The following NELL1 variants were observed in gnomAD, a reference collection of about 807,000 sequenced individuals.
NELL1 encodes protein kinase C-binding protein NELL1.
A neutral mutation model predicts 107.4 loss-of-function variants in NELL1; 76 were observed. The ratio of observed to expected loss-of-function variants is 0.71; its 90% CI spans 0.59 to 0.86. The LOEUF is 0.86. Ranked by LOEUF, NELL1 falls within the 40% of genes least tolerant of loss-of-function variation. The pLI, the probability that NELL1 is intolerant of heterozygous loss-of-function variation, is 0.00. For missense variants in NELL1, 1,024 were observed against 1,005.5 expected (o/e 1.02, Z -0.25); for synonymous variants, 353 against 341.2 (o/e 1.03, Z -0.38).
At chr11:20,675,092 G>T (rs1017204676) in intron 1 of NELL1, among the ~76,000 whole-genome samples, 1 of 152,070 alleles carries the variant, frequency 6.6e-6, no homozygotes, top group Non-Finnish European at 1.5e-5. Flanking sequence ...TGGACCAGTG[G>T]ACCAGCCGGG....
chr11:20,830,141 G>A (rs1184073683), intron 3 of NELL1, among the ~76,000 whole-genome samples: 3 of 151,566 alleles, frequency 2.0e-5, no homozygotes, highest in Non-Finnish European at 4.4e-5. Context: ...GTATGGTGGT[G>A]CGTGCCTGTA....
intron 15 of NELL1, among the ~76,000 whole-genome samples, chr11:21,437,257 C>G (rs1384531214): frequency 6.6e-6 from 1 of 152,068 alleles, no homozygotes; most frequent in Non-Finnish European, 1.5e-5. Context: ...CTCTTTAGTT[C>G]TAATGATATT....
At chr11:21,203,924 G>A (rs1328441704) in intron 13 of NELL1, among the ~76,000 whole-genome samples, 1 of 152,168 alleles carries the variant, frequency 6.6e-6, no homozygotes, top group Non-Finnish European at 1.5e-5. Context: ...CTCTAAGAAT[G>A]TTGAATATTG....
intron 14 of NELL1, among the ~76,000 whole-genome samples, chr11:21,304,654 C>A (rs1443508101): frequency 6.6e-6 from 1 of 151,890 alleles, no homozygotes; most frequent in Non-Finnish European, 1.5e-5. Context: ...ATTTTCCTGA[C>A]AGCTTACATT....
At chr11:21,553,062 C>T (rs1026137044) in intron 16 of NELL1, among the ~76,000 whole-genome samples, 1 of 151,808 alleles carries the variant, frequency 6.6e-6, no homozygotes, top group African/African-American at 2.4e-5. Context: ...GTTTTTAGAC[C>T]TTTGACTTCT....
chr11:20,963,311 T>C (rs1851325903), intron 12 of NELL1, among the ~76,000 whole-genome samples: 1 of 152,086 alleles, frequency 6.6e-6, no homozygotes, highest in African/African-American at 2.4e-5. Flanking sequence ...TGTGTTATTT[T>C]TCAGACCCAG....
chr11:21,439,614 C>T (rs1479830743), intron 15 of NELL1, among the ~76,000 whole-genome samples: 3 of 152,136 alleles, frequency 2.0e-5, no homozygotes, highest in Non-Finnish European at 2.9e-5. Flanking sequence ...GCCTAGGCTT[C>T]TGCTTTTGGG....
intron 15 of NELL1, among the ~76,000 whole-genome samples, chr11:21,452,488 T>C (rs1853612688): frequency 6.6e-6 from 1 of 152,130 alleles, no homozygotes; most frequent in Non-Finnish European, 1.5e-5. Flanking sequence ...AGTTTTTTAT[T>C]ATATTCCCTG....
chr11:20,855,222 G>A (rs951346678), intron 4 of NELL1, among the ~76,000 whole-genome samples: 86 of 149,224 alleles, frequency 5.8e-4, no homozygotes, highest in African/African-American at 2.0e-3. Flanking sequence ...TTTCGTTAAC[G>A]ATTGCCTCAA....
intron 13 of NELL1, among the ~76,000 whole-genome samples, chr11:21,204,077 A>G (rs1463682654): frequency 1.3e-5 from 2 of 151,910 alleles, no homozygotes; most frequent in Non-Finnish European, 2.9e-5. Flanking sequence ...TGAATCTGAC[A>G]ATTATGTGTC....
At chr11:21,080,145 A>G (rs1164675676) in intron 12 of NELL1, among the ~76,000 whole-genome samples, 3 of 152,052 alleles carry the variant, frequency 2.0e-5, no homozygotes, top group African/African-American at 7.2e-5. Flanking sequence ...TTATATTCCT[A>G]TACCTTTAAA....
chr11:20,810,367 C>A (rs935219980), intron 3 of NELL1, among the ~76,000 whole-genome samples: 1 of 152,094 alleles, frequency 6.6e-6, no homozygotes, highest in Non-Finnish European at 1.5e-5. Context: ...TTATCCCTCA[C>A]CCCCTCTCAC....
intron 16 of NELL1, among the ~76,000 whole-genome samples, chr11:21,536,358 G>GC (rs1410617414): frequency 3.3e-5 from 5 of 152,100 alleles, no homozygotes; most frequent in Non-Finnish European, 5.9e-5. Flanking sequence ...GTTTGGACCT[G>GC]CCATGGGACT....
intron 15 of NELL1, among the ~76,000 whole-genome samples, chr11:21,467,305 C>A (rs1854056415): frequency 6.6e-6 from 1 of 152,002 alleles, no homozygotes; most frequent in South Asian, 2.1e-4. Context: ...TTTATGGGAA[C>A]TCAATGAGTC....
chr11:21,405,993 G>A (rs1438792173), intron 15 of NELL1, among the ~76,000 whole-genome samples: 1 of 151,908 alleles, frequency 6.6e-6, no homozygotes, highest in African/African-American at 2.4e-5. Flanking sequence ...CATAGACTGA[G>A]CCAATAAGGT....
intron 15 of NELL1, among the ~76,000 whole-genome samples, chr11:21,459,445 G>A (rs1853843062): frequency 6.6e-6 from 1 of 151,272 alleles, no homozygotes; most frequent in Non-Finnish European, 1.5e-5. Flanking sequence ...GGAACATTGG[G>A]TTTTTGTTTT....
intron 13 of NELL1, among the ~76,000 whole-genome samples, chr11:21,176,988 T>C (rs1216812094): frequency 6.6e-6 from 1 of 151,820 alleles, no homozygotes; most frequent in Non-Finnish European, 1.5e-5. Context: ...CAAAAAATAA[T>C]TGTGTATATT....
chr11:21,217,757 A>T (rs558483783), intron 13 of NELL1, among the ~76,000 whole-genome samples: 17 of 152,328 alleles, frequency 1.1e-4, no homozygotes, highest in Non-Finnish European at 2.4e-4. Context: ...TACTTTGAAC[A>T]AAATAAAGCC....
intron 5 of NELL1, among the ~76,000 whole-genome samples, chr11:20,890,515 C>T (rs547985059): frequency 1.3e-5 from 2 of 152,134 alleles, no homozygotes; most frequent in East Asian, 3.9e-4. Flanking sequence ...ATCAGATGGA[C>T]AAATTGACAG....
Sources: allele counts gnomAD v4.1 joint callset (sites outside exome capture counted in the v4.1 genomes callset), GRCh38; gene constraint gnomAD v4.1.1; transcripts MANE v1.5; gene names NCBI Gene and HGNC (gene_info 2026-07-23, HGNC 2026-07-21).